YLPM1: variants seen among roughly 807,000 people sequenced by gnomAD.
YLPM1 encodes the protein YLP motif-containing protein 1.
In YLPM1, 99 loss-of-function variants were observed where a neutral mutation model predicts 230.0. That is an observed-to-expected ratio of 0.43 (90% CI 0.37 to 0.51). YLPM1 has a LOEUF of 0.51. YLPM1 is among the 20% of genes least tolerant of loss of function. The pLI is 0.00. For missense variants in YLPM1, 2,592 were observed against 2,707.7 expected, an observed-to-expected ratio of 0.96 and a Z score of 0.95; for synonymous variants, 984 against 942.5, an observed-to-expected ratio of 1.04 and a Z score of -0.81.
At chr14:74,775,304 A>C (rs1163818776) in intron 1 of YLPM1, among the ~76,000 whole-genome samples, 3 of 152,218 alleles carry the variant, frequency 2.0e-5, no homozygotes, top group Non-Finnish European at 4.4e-5. Context: ...ATATAAAAAG[A>C]GGGGAAGGCA....
chr14:74,769,655 C>G (rs1039095592), intron 1 of YLPM1, among the ~76,000 whole-genome samples: 1 of 151,148 alleles, frequency 6.6e-6, no homozygotes, highest in African/African-American at 2.4e-5. Context: ...GAACTCCTGA[C>G]CTCGTGATCC....
chr14:74,820,934 G>T (rs1253448296), intron 16 of YLPM1, 123 bp from the exon 17 acceptor site: 1 of 1,064,238 alleles, frequency 9.4e-7, no homozygotes, highest in Non-Finnish European at 1.2e-6. Flanking sequence ...AAAATTACTT[G>T]GTATGTAACA....
intron 4 of YLPM1, among the ~76,000 whole-genome samples, chr14:74,791,045 C>A (rs1440091362): frequency 6.6e-6 from 1 of 152,102 alleles, no homozygotes; most frequent in Admixed American, 6.6e-5. Flanking sequence ...AATTTGAGAC[C>A]AGCCTGGGCA....
chr14:74,782,393 C>T (rs1288814248), intron 4 of YLPM1, 68 bp downstream of exon 4: 14 of 1,460,532 alleles, frequency 9.6e-6, no homozygotes, highest in Middle Eastern at 1.8e-4. Context: ...ATTTGGTTCT[C>T]GATGGTATAA....
At position 74,811,655 on chromosome 14, in the gene YLPM1, C is replaced by A. The variant is rs2140127439; in HGVS notation, c.5264C>A (p.Ser1755Ter). Residue 1755 changes from serine to a stop codon, truncating the protein, a stop_gained, in exon 10 of 21, where the codon TCA becomes TAA. Transcript: ENST00000325680. LOFTEE classifies it high-confidence loss of function. ...TATCGAGACAAAAAAGACCATTCCT[C>A]ATCCAGAAGAGGGGGTTTTGATAGG... ...QSYRDKKDHS[S>*]SRRGGFDRPS... 1 of 1,612,826 alleles carries A rather than the reference C, an allele frequency of 6.2e-7. No homozygotes were observed. Among genetic ancestry groups the A allele is most frequent in the South Asian group, 1.1e-5 (1 of 90,890 alleles).
intron 1 of YLPM1, among the ~76,000 whole-genome samples, chr14:74,774,884 G>A (rs2091018029): frequency 6.6e-6 from 1 of 152,166 alleles, no homozygotes; most frequent in Non-Finnish European, 1.5e-5. Context: ...GGCTGACTAG[G>A]AGCCTAGGGC....
chr14:74,799,023 T>C lies in YLPM1; in HGVS notation c.3726T>C (p.Tyr1242=). The change falls in exon 5 of 21, where the codon TAT becomes TAC. Residue 1242 remains tyrosine (Y), a synonymous_variant. Transcript: ENST00000325680. ...RDYQDDTLEL[Y]NREDRFSAPP... Reference sequence around the variant, plus strand: ...ATCAAGATGATACACTAGAGCTCTATAACAGAGAGGACAGGTTCTCAGCAC... The same window carrying C: ...ATCAAGATGATACACTAGAGCTCTACAACAGAGAGGACAGGTTCTCAGCAC... 2 of 1,613,918 alleles carry C rather than the reference T, an allele frequency of 1.2e-6. No homozygotes were observed. Among genetic ancestry groups the C allele is most frequent in the South Asian group, 1.1e-5 (1 of 91,074 alleles).
chr14:74,788,566 G>A (rs1456032608), intron 4 of YLPM1, among the ~76,000 whole-genome samples: 1 of 152,214 alleles, frequency 6.6e-6, no homozygotes, highest in Non-Finnish European at 1.5e-5. Context: ...TGTCAGCTGG[G>A]CATGGTGGCT....
intron 5 of YLPM1, among the ~76,000 whole-genome samples, chr14:74,802,257 G>C (rs1594829357): frequency 6.6e-6 from 1 of 151,350 alleles, no homozygotes; most frequent in Non-Finnish European, 1.5e-5. Context: ...GCTTTTGGTT[G>C]GATTAAAGAA....
Position 74,810,330 on chromosome 14 carries a change from G to C in YLPM1, c.5138G>C (p.Arg1713Pro). 6.2e-7 allele frequency: 1 copy of C among 1,613,672 alleles called. No individual in the cohort carries two copies. Among genetic ancestry groups the C allele is most frequent in the Non-Finnish European group, 8.5e-7 (1 of 1,179,834 alleles). Residue 1713 changes from arginine to proline, a missense_variant, in exon 9 of 21, where the codon CGT becomes CCT. Around this residue, in one of 4 missense-constraint regions of YLPM1, gnomAD observed 403 missense variants for 426.7 expected, o/e 0.94. Coordinates refer to ENST00000325680, the MANE Select transcript of YLPM1 (RefSeq NM_019589.3). ...GATCATCGAGATTTTAAAAGGGATC[G>C]TGAGACACATAGAGATCGAGACCGG... ...IADHRDFKRD[R>P]ETHRDRDRDR... is the part of the protein sequence containing the mutation.
intron 16 of YLPM1, 30 bp from the exon 17 acceptor site, chr14:74,821,027 C>CTTT (rs750279167): frequency 4.3e-5 from 56 of 1,314,184 alleles, no homozygotes; most frequent in South Asian, 3.1e-4. Flanking sequence ...TTAACTCAGT[C>CTTT]TTTTTTTTTT....
chr14:74,828,268 G>T (rs2091581727), intron 18 of YLPM1, among the ~76,000 whole-genome samples: 1 of 152,026 alleles, frequency 6.6e-6, no homozygotes, highest in African/African-American at 2.4e-5. Flanking sequence ...AAGTTTTTAG[G>T]CTTTTCTTCA....
intron 3 of YLPM1, among the ~76,000 whole-genome samples, chr14:74,780,856 A>G (rs903297752): frequency 2.6e-5 from 4 of 152,192 alleles, no homozygotes; most frequent in Admixed American, 2.6e-4. Context: ...CCATATAGCT[A>G]CAGGTTAACC....
At chr14:74,811,785 A>G (rs1374894765) in intron 10 of YLPM1, 47 bp downstream of exon 10, 1 of 1,287,306 alleles carries the variant, frequency 7.8e-7, no homozygotes, top group East Asian at 2.7e-5. Context: ...AATGTAAAGC[A>G]TGGGAGATGC....
intron 4 of YLPM1, among the ~76,000 whole-genome samples, chr14:74,789,992 T>C (rs2091190826): frequency 6.6e-6 from 1 of 151,932 alleles, no homozygotes; most frequent in Non-Finnish European, 1.5e-5. Context: ...ACATAGGCCA[T>C]AGTTTGCTGA....
chr14:74,768,068 AT>A (rs1183935777), intron 1 of YLPM1, among the ~76,000 whole-genome samples: 13 of 149,832 alleles, frequency 8.7e-5, no homozygotes, highest in South Asian at 2.1e-4. Context: ...CAACCTGGTG[AT>A]TTTTTTTTTC....
chr14:74,821,290 CTT>C (rs1217302284), intron 17 of YLPM1, 153 bp downstream of exon 17: 38 of 1,163,416 alleles, frequency 3.3e-5, no homozygotes, highest in East Asian at 3.2e-4. Flanking sequence ...TTTGGATACT[CTT>C]TATTTTTCCC....
Position 74,763,718 on chromosome 14 carries a change from C to T in YLPM1, c.229C>T (p.Gln77Ter). Residue 77 changes from glutamine (Q) to a stop codon, truncating the protein, a stop_gained, in exon 1 of 21, where the codon CAG (glutamine) becomes TAG (stop). Transcript: ENST00000325680. LOFTEE classifies it high-confidence loss of function. ...MHQKQMQCVL[Q>*]PHHLPPPPLP... is the part of the protein sequence containing the mutation. ...CCAGAAGCAAATGCAGTGCGTGCTT[C>T]AGCCCCACCACCTTCCTCCGCCCCC... The T allele has an allele frequency of 6.5e-7, 1 of 1,536,036 alleles. No individual in the cohort carries two copies. Among genetic ancestry groups the T allele is most frequent in the Non-Finnish European group, 8.8e-7 (1 of 1,137,918 alleles).
At chr14:74,806,485 G>A (rs10146589) in intron 6 of YLPM1, among the ~76,000 whole-genome samples, 16,878 of 152,178 alleles carry the variant, frequency 0.11, 1,342 homozygotes, top group African/African-American at 0.23. Context: ...CCAGCTACTA[G>A]GGAGACTGAG....
Sources: gnomAD v4.1 joint callset for allele counts (sites outside exome capture counted in the v4.1 genomes callset) on GRCh38, gnomAD v4.1.1 for gene constraint, gnomAD v4.1.1 regional missense constraint, MANE v1.5 for transcripts, NCBI Gene and HGNC (gene_info 2026-07-23, HGNC 2026-07-21) for gene names.